The following MMS22L variants were observed in gnomAD, a reference collection of about 807,000 sequenced individuals.
MMS22L encodes the protein MMS22 like, DNA repair protein.
Under a neutral mutation model 159.1 loss-of-function variants are expected in MMS22L, and 74 were observed. That is an observed-to-expected ratio of 0.47 (90% CI 0.39 to 0.56). The LOEUF (loss-of-function observed/expected upper bound fraction) is 0.56, where lower values mean the gene tolerates loss of function less well. MMS22L is among the 20% of genes least tolerant of loss of function. The probability of loss-of-function intolerance (pLI) is 0.00; values close to 1 mark genes in which losing one functional copy is unlikely to be tolerated. For synonymous variants in MMS22L, 517 were observed against 506.9 expected (o/e 1.02, Z -0.27); for missense variants, 1,351 against 1,422.1 (o/e 0.95, Z 0.80).
intron 12 of MMS22L, 125 bp downstream of exon 12, chr6:97,233,736 A>C: frequency 1.0e-6 from 1 of 997,824 alleles, no homozygotes; most frequent in Non-Finnish European, 1.4e-6. Flanking sequence ...ACTCCAATCT[A>C]CTCTGAAAAA....
chr6:97,277,538 C>T (rs1396120255), intron 4 of MMS22L, among the ~76,000 whole-genome samples: 2 of 152,062 alleles, frequency 1.3e-5, no homozygotes, highest in Non-Finnish European at 2.9e-5. Context: ...ATCACACACA[C>T]TCCAAACAAA....
intron 14 of MMS22L, among the ~76,000 whole-genome samples, chr6:97,188,203 C>A (rs1805453139): frequency 6.6e-6 from 1 of 152,172 alleles, no homozygotes; most frequent in Admixed American, 6.5e-5. Flanking sequence ...CATTTCTACA[C>A]AGTGGAATCC....
intron 22 of MMS22L, among the ~76,000 whole-genome samples, chr6:97,152,732 T>C (rs1006146714): frequency 6.6e-6 from 1 of 152,014 alleles, no homozygotes; most frequent in African/African-American, 2.4e-5. Context: ...CCTTGCCTTT[T>C]ACTTGAAAAC....
intron 11 of MMS22L, among the ~76,000 whole-genome samples, chr6:97,237,273 A>G (rs1056522551): frequency 2.0e-5 from 3 of 152,224 alleles, no homozygotes; most frequent in African/African-American, 7.2e-5. Flanking sequence ...TAGCAGAAAT[A>G]GTGTACAGGT....
Position 97,228,787 on chromosome 6 carries a change from G to A in MMS22L, c.2039+107C>T, listed in dbSNP as rs1810525824. On this transcript the variant is annotated intron_variant, in intron 14 of 24. Transcript: ENST00000683635. ...AAACTAAATCCTTCCTCTACATTTGGATTTCATGTGTATTTGTATATATGC... is the reference window on the plus strand; with the variant it reads ...AAACTAAATCCTTCCTCTACATTTGAATTTCATGTGTATTTGTATATATGC... The A allele has an allele frequency of 8.4e-6, 9 of 1,074,246 alleles. No homozygotes were observed. The Admixed American group carries it at 1.8e-4, about 22-fold the overall frequency. The allele number at this position is 1,074,246 out of a possible 1,614,324, so 66.5% of individuals were successfully genotyped here. A position where few individuals can be genotyped will look rare whatever the true frequency, so the allele number is the denominator to read the frequency against.
chr6:97,234,574 A>G (rs1811201207), intron 11 of MMS22L, among the ~76,000 whole-genome samples: 1 of 152,184 alleles, frequency 6.6e-6, no homozygotes, highest in South Asian at 2.1e-4. Flanking sequence ...TGTATTTAAA[A>G]CTTACCACAT....
At chr6:97,232,417 G>T (rs771334432) in intron 12 of MMS22L, among the ~76,000 whole-genome samples, 34 of 152,022 alleles carry the variant, frequency 2.2e-4, no homozygotes, top group Non-Finnish European at 4.3e-4. Flanking sequence ...AATATAGTTT[G>T]TATTTTCTTT....
intron 14 of MMS22L, among the ~76,000 whole-genome samples, chr6:97,222,628 A>G (rs750208840): frequency 5.9e-5 from 9 of 152,060 alleles, no homozygotes; most frequent in Non-Finnish European, 1.2e-4. Flanking sequence ...GTTTCTTTTT[A>G]AACTCCAAAT....
At chr6:97,213,968 T>C (rs1441237055) in intron 14 of MMS22L, among the ~76,000 whole-genome samples, 1 of 152,190 alleles carries the variant, frequency 6.6e-6, no homozygotes, top group African/African-American at 2.4e-5. Flanking sequence ...AAAAATTTTC[T>C]AGTCTAAGGT....
chr6:97,159,951 T>TG (rs1802254678), intron 22 of MMS22L, among the ~76,000 whole-genome samples: 1 of 146,730 alleles, frequency 6.8e-6, no homozygotes, highest in Non-Finnish European at 1.5e-5. Context: ...CATTTCTGTT[T>TG]TTTTTTTTTT....
intron 15 of MMS22L, among the ~76,000 whole-genome samples, chr6:97,183,513 T>C (rs1256623181): frequency 6.6e-6 from 1 of 152,134 alleles, no homozygotes; most frequent in Non-Finnish European, 1.5e-5. Context: ...TCCTATGACA[T>C]TTCCCTAGTC....
intron 12 of MMS22L, among the ~76,000 whole-genome samples, chr6:97,232,919 C>A (rs1811018787): frequency 6.6e-6 from 1 of 152,068 alleles, no homozygotes; most frequent in African/African-American, 2.4e-5. Context: ...TCCTTTAAAT[C>A]TACCTTTAAA....
chr6:97,189,717 G>T (rs760361405), intron 14 of MMS22L, among the ~76,000 whole-genome samples: 3 of 151,940 alleles, frequency 2.0e-5, no homozygotes, highest in Admixed American at 6.6e-5. Flanking sequence ...CCACACTTGT[G>T]TTGGAAATGT....
intron 19 of MMS22L, among the ~76,000 whole-genome samples, chr6:97,168,874 C>T (rs940831037): frequency 3.3e-5 from 5 of 152,050 alleles, no homozygotes; most frequent in Admixed American, 6.6e-5. Flanking sequence ...TTAAAGAATA[C>T]TGTAGGATTA....
intron 19 of MMS22L, among the ~76,000 whole-genome samples, chr6:97,170,705 G>A (rs1325634241): frequency 6.6e-6 from 1 of 151,910 alleles, no homozygotes; most frequent in Non-Finnish European, 1.5e-5. Flanking sequence ...AAGTAATTTT[G>A]TTCATTTAAG....
intron 18 of MMS22L, among the ~76,000 whole-genome samples, chr6:97,176,652 C>T (rs1030987065): frequency 6.6e-6 from 1 of 152,012 alleles, no homozygotes; most frequent in Non-Finnish European, 1.5e-5. Context: ...GTGACCAGTC[C>T]CCAATAATAA....
In MMS22L at chr6:97,257,215, A is replaced by C. The variant is rs1406173309; in HGVS notation, c.943-2482T>G. ...TATATCAGACATCCTCTCTATTCTTAATGTCTCTTAACCACTCTTTCATGT... is the reference window on the plus strand; with the variant it reads ...TATATCAGACATCCTCTCTATTCTTCATGTCTCTTAACCACTCTTTCATGT... On this transcript the variant is annotated intron_variant, in intron 9 of 24. Coordinates refer to ENST00000683635, the MANE Select transcript of MMS22L (RefSeq NM_001350599.2). Among the ~76,000 whole-genome samples the C allele has an allele frequency of 2.0e-5, 3 of 152,058 alleles. No individual in the cohort carries two copies. In the East Asian group the frequency reaches 5.8e-4, roughly 29 times the overall value.
rs912013221 is a variant in MMS22L, at chr6:97,145,855, C to T, written c.*951G>A. 2 of 152,198 alleles carry T rather than the reference C, an allele frequency of 1.3e-5. No homozygotes were observed. The highest frequency in any genetic ancestry group is 1.9e-4 in the East Asian group (1 of 5,186). The allele number at this position is 152,198 out of a possible 1,614,324, so 9.4% of individuals were successfully genotyped here. A position where few individuals can be genotyped will look rare whatever the true frequency, so the allele number is the denominator to read the frequency against. On this transcript the variant is annotated 3_prime_UTR_variant, in exon 25 of 25. Coordinates refer to ENST00000683635, the MANE Select transcript of MMS22L (RefSeq NM_001350599.2). ...AATAATGCTCAATAGGAAAAGGAGT[C>T]AAGGACAAGCTCCAACTGGTAAAAC...
intron 6 of MMS22L, chr6:97,270,980 C>T (rs1415700430): frequency 1.9e-4 from 29 of 151,792 alleles, no homozygotes; most frequent in Admixed American, 1.9e-3. Flanking sequence ...AAATTCAAAT[C>T]GACCTAGAAA....
Sources: allele counts gnomAD v4.1 joint callset (sites outside exome capture counted in the v4.1 genomes callset), GRCh38; gene constraint gnomAD v4.1.1; transcripts MANE v1.5; gene names NCBI Gene and HGNC (gene_info 2026-07-23, HGNC 2026-07-21).